The following CACNB2 variants were observed in gnomAD, a reference collection of about 807,000 sequenced individuals.
The protein encoded by CACNB2 is voltage-dependent L-type calcium channel subunit beta-2.
In CACNB2, 42 loss-of-function variants were observed where a neutral mutation model predicts 73.3. That is an observed-to-expected ratio of 0.57 (90% CI 0.45 to 0.74). The LOEUF is 0.74. Ranked by LOEUF, CACNB2 falls within the 30% of genes least tolerant of loss-of-function variation. The probability of loss-of-function intolerance (pLI) is 0.00; values close to 1 mark genes in which losing one functional copy is unlikely to be tolerated. For synonymous variants in CACNB2, 348 were observed against 310.3 expected, an observed-to-expected ratio of 1.12 and a Z score of -1.28; for missense variants, 940 against 853.0, an observed-to-expected ratio of 1.10 and a Z score of -1.27.
At position 18,473,943 on chromosome 10, in the gene CACNB2, C is replaced by G. The variant is rs191386905; in HGVS notation, c.334-24412C>G. ...AGGTGCAGCTCCCCGCCACGCTGCT[C>G]TCTGTGACCTTGAGTGAGACACAAA... On this transcript the variant is annotated intron_variant, in intron 3 of 13. Coordinates refer to ENST00000324631, the MANE Select transcript of CACNB2 (RefSeq NM_201596.3). Among the ~76,000 whole-genome samples the G allele has an allele frequency of 3.6e-3, 547 of 152,284 alleles. 8 individuals are homozygous for G. Among genetic ancestry groups the G allele is most frequent in the Non-Finnish European group, 5.1e-3 (345 of 68,032 alleles).
Position 18,140,515 on chromosome 10 carries a change from C to G in CACNB2, c.-222C>G, listed in dbSNP as rs551821313. Among the ~76,000 whole-genome samples the G allele has an allele frequency of 6.6e-6, 1 of 151,810 alleles. No individual in the cohort carries two copies. The highest frequency in any genetic ancestry group is 1.5e-5 in the Non-Finnish European group (1 of 67,872). On this transcript the variant is annotated 5_prime_UTR_variant, in exon 1 of 14. Transcript: ENST00000324631. ...AGCCGCGCCCCCGCGTCCCGCCTCC[C>G]GAGCGGCTCGCTTCGCCCGATGCCC...
chr10:18,482,332 C>T (rs1044925117), intron 3 of CACNB2, among the ~76,000 whole-genome samples: 2 of 152,120 alleles, frequency 1.3e-5, no homozygotes, highest in Admixed American at 6.5e-5. Context: ...CTGTTTATCA[C>T]GCTGAATCAC....
intron 2 of CACNB2, chr10:18,340,936 A>G: frequency 6.2e-7 from 1 of 1,614,196 alleles, no homozygotes; most frequent in Non-Finnish European, 8.5e-7. Flanking sequence ...CATGCTTGAC[A>G]GACGCCTTAT....
At chr10:18,162,541 TAA>T (rs1362705893) in intron 2 of CACNB2, among the ~76,000 whole-genome samples, 1 of 152,108 alleles carries the variant, frequency 6.6e-6, no homozygotes, top group African/African-American at 2.4e-5. Context: ...GTTTAAGGAG[TAA>T]AGTCTAGAAA....
chr10:18,437,125 G>A (rs7070847), intron 3 of CACNB2, among the ~76,000 whole-genome samples: 33,378 of 152,090 alleles, frequency 0.22, 4,249 homozygotes, highest in Middle Eastern at 0.35. Context: ...GTAAATATTG[G>A]ATGCTATGGT....
At chr10:18,242,863 A>C (rs2036712154) in intron 2 of CACNB2, among the ~76,000 whole-genome samples, 1 of 151,456 alleles carries the variant, frequency 6.6e-6, no homozygotes, top group African/African-American at 2.4e-5. Context: ...AAAAAACATT[A>C]GCCGGGCATG....
At chr10:18,495,585 GTGTGTGTA>G (rs1322977350) in intron 3 of CACNB2, among the ~76,000 whole-genome samples, 8 of 149,422 alleles carry the variant, frequency 5.4e-5, no homozygotes, top group Admixed American at 3.3e-4. Flanking sequence ...GTGTGTGTGT[GTGTGTGTA>G]TAAGAGATGA....
At chr10:18,241,030 T>G (rs929247675) in intron 2 of CACNB2, among the ~76,000 whole-genome samples, 32 of 152,220 alleles carry the variant, frequency 2.1e-4, no homozygotes, top group African/African-American at 7.0e-4. Flanking sequence ...CTCAGCGAGA[T>G]AAATGCATAC....
chr10:18,373,991 T>C (rs1330164828), intron 2 of CACNB2, among the ~76,000 whole-genome samples: 1 of 152,222 alleles, frequency 6.6e-6, no homozygotes, highest in African/African-American at 2.4e-5. Context: ...TTAGCCTCCC[T>C]CTTTCACACT....
rs2054103275 is a variant in CACNB2, at chr10:18,542,322, A to AGTTTAT, written c.*2598_*2599insGTTTAT. 1 of 152,254 alleles carries AGTTTAT rather than the reference A, an allele frequency of 6.6e-6. No homozygotes were observed. The allele number at this position is 152,254 out of a possible 1,614,324, so 9.4% of individuals were successfully genotyped here. On this transcript the variant is annotated 3_prime_UTR_variant, in exon 14 of 14. Coordinates refer to ENST00000324631, the MANE Select transcript of CACNB2 (RefSeq NM_201596.3). ...ACTGAGTATAAAATCAGTAGTCATA[A>AGTTTAT]TAAACTTGACAATTCTTACATTGGT...
intron 2 of CACNB2, among the ~76,000 whole-genome samples, chr10:18,384,414 G>T (rs1277403075): frequency 6.6e-6 from 1 of 152,046 alleles, no homozygotes; most frequent in Non-Finnish European, 1.5e-5. Context: ...CCTTTTAAAT[G>T]TCTCTTTTTA....
intron 3 of CACNB2, among the ~76,000 whole-genome samples, chr10:18,495,812 T>C (rs2049777035): frequency 6.6e-6 from 1 of 152,122 alleles, no homozygotes; most frequent in South Asian, 2.1e-4. Flanking sequence ...GTAAACTTTA[T>C]ATACTTAAGA....
At chr10:18,261,450 A>G in intron 2 of CACNB2, 1 of 1,242,282 alleles carries the variant, frequency 8.0e-7, no homozygotes, top group Non-Finnish European at 1.2e-6. Flanking sequence ...ATTTCGTACC[A>G]TGAGTTTTCA....
At chr10:18,283,806 C>G (rs1297056799) in intron 2 of CACNB2, among the ~76,000 whole-genome samples, 1 of 152,094 alleles carries the variant, frequency 6.6e-6, no homozygotes, top group African/African-American at 2.4e-5. Flanking sequence ...TACCCTAGAA[C>G]TTAAAGTATA....
chr10:18,507,869 C>G (rs1424834591), intron 6 of CACNB2, among the ~76,000 whole-genome samples: 1 of 152,170 alleles, frequency 6.6e-6, no homozygotes, highest in Non-Finnish European at 1.5e-5. Flanking sequence ...TTCTCTATTA[C>G]TAATAATCAG....
chr10:18,480,292 A>T (rs2048657538), intron 3 of CACNB2, among the ~76,000 whole-genome samples: 1 of 151,104 alleles, frequency 6.6e-6, no homozygotes, highest in Non-Finnish European at 1.5e-5. Context: ...AATATTGGAG[A>T]TGTGGGATTT....
At chr10:18,458,039 GAA>G (rs2047374609) in intron 3 of CACNB2, among the ~76,000 whole-genome samples, 1 of 152,134 alleles carries the variant, frequency 6.6e-6, no homozygotes, top group African/African-American at 2.4e-5. Flanking sequence ...CACTAAGCCA[GAA>G]AATTATTTTT....
chr10:18,220,177 A>C, intron 2 of CACNB2, among the ~76,000 whole-genome samples: 1 of 69,488 alleles, frequency 1.4e-5, no homozygotes, highest in Non-Finnish European at 2.4e-5. Flanking sequence ...ACACACATAC[A>C]TATATATACA....
chr10:18,158,579 T>C (rs1157600035), intron 2 of CACNB2, among the ~76,000 whole-genome samples: 1 of 152,208 alleles, frequency 6.6e-6, no homozygotes, highest in East Asian at 1.9e-4. Context: ...GGAAAAGCTA[T>C]AATTCTTAAT....
Sources: allele counts gnomAD v4.1 joint callset (sites outside exome capture counted in the v4.1 genomes callset), GRCh38; gene constraint gnomAD v4.1.1; transcripts MANE v1.5; gene names NCBI Gene and HGNC (gene_info 2026-07-23, HGNC 2026-07-21).